The following SLC9A9 variants were observed in gnomAD, a reference collection of about 807,000 sequenced individuals.
The protein encoded by SLC9A9 is sodium/hydrogen exchanger 9.
Under a neutral mutation model 77.8 loss-of-function variants are expected in SLC9A9, and 62 were observed. The observed-to-expected ratio is 0.80, with a 90% CI of 0.65 to 0.98. The LOEUF (loss-of-function observed/expected upper bound fraction) is 0.98, where lower values mean the gene tolerates loss of function less well. Among genes scored for constraint, SLC9A9 ranks in the 50% least tolerant of loss-of-function variants. The probability of loss-of-function intolerance (pLI) is 0.00; values close to 1 mark genes in which losing one functional copy is unlikely to be tolerated. For synonymous variants in SLC9A9, 320 were observed against 283.5 expected, an observed-to-expected ratio of 1.13 and a Z score of -1.29; for missense variants, 775 against 774.9, an observed-to-expected ratio of 1.00 and a Z score of 0.00.
chr3:143,519,249 A>C (rs2036254202), intron 9 of SLC9A9, among the ~76,000 whole-genome samples: 1 of 152,212 alleles, frequency 6.6e-6, no homozygotes, highest in Admixed American at 6.5e-5. Context: ...TAGGTGTTGA[A>C]ATTTTAGGTA....
intron 2 of SLC9A9, among the ~76,000 whole-genome samples, chr3:143,806,142 G>C (rs527382888): frequency 1.6e-5 from 2 of 127,558 alleles, no homozygotes; most frequent in East Asian, 5.0e-4. Flanking sequence ...TTACCACTAA[G>C]AGCTTCTCAC....
chr3:143,339,882 G>A (rs2108462278), intron 14 of SLC9A9, among the ~76,000 whole-genome samples: 1 of 152,244 alleles, frequency 6.6e-6, no homozygotes, highest in East Asian at 1.9e-4. Flanking sequence ...TTCTGTAAAA[G>A]GATGCTACTG....
intron 9 of SLC9A9, among the ~76,000 whole-genome samples, chr3:143,510,369 G>T (rs1280491916): frequency 2.0e-5 from 3 of 152,088 alleles, no homozygotes; most frequent in Non-Finnish European, 4.4e-5. Context: ...TTTATTAAAA[G>T]ATTGGAAAAT....
intron 14 of SLC9A9, among the ~76,000 whole-genome samples, chr3:143,295,420 C>T (rs75557482): frequency 4.2e-4 from 64 of 152,276 alleles, no homozygotes; most frequent in African/African-American, 1.5e-3. Context: ...AAGAACGTGC[C>T]GTTCCAGTAA....
intron 5 of SLC9A9, among the ~76,000 whole-genome samples, chr3:143,661,427 G>A (rs2038976858): frequency 6.6e-6 from 1 of 152,054 alleles, no homozygotes; most frequent in South Asian, 2.1e-4. Context: ...TTTCTCCCTG[G>A]GTTTCCACAC....
chr3:143,674,677 G>GT (rs1319042028), intron 5 of SLC9A9, among the ~76,000 whole-genome samples: 5 of 152,086 alleles, frequency 3.3e-5, no homozygotes, highest in African/African-American at 1.2e-4. Context: ...AATCTCAGAG[G>GT]TTTTCTAACA....
At chr3:143,837,909 C>T (rs540026387) in intron 1 of SLC9A9, among the ~76,000 whole-genome samples, 13 of 152,264 alleles carry the variant, frequency 8.5e-5, no homozygotes, top group African/African-American at 3.1e-4. Flanking sequence ...TCACTGCCAG[C>T]CTGATGTTGA....
chr3:143,393,610 A>C lies in SLC9A9; in HGVS notation c.1470-11496T>G, dbSNP rs1169865387. ...AGAAATAACTAAGATCAGAGCAGAA[A>C]TGAAGGAAATAGAGACATAAAAAAC... On this transcript the variant is annotated intron_variant, in intron 12 of 15. Transcript: ENST00000316549. Among the ~76,000 whole-genome samples the C allele has an allele frequency of 3.3e-5, 5 of 152,122 alleles. No homozygotes were observed. The East Asian group carries it at 5.8e-4, about 18-fold the overall frequency.
At position 143,449,598 on chromosome 3, in the gene SLC9A9, TATATAAAATATA is replaced by T. The variant is rs1327259942; in HGVS notation, c.1469+17427_1469+17438del. 2.2e-3 allele frequency among the ~76,000 whole-genome samples: 84 copies of T among 38,048 alleles called. 11 individuals are homozygous for T. The highest frequency in any genetic ancestry group is 5.7e-3 in the African/African-American group (38 of 6,670). The allele number at this position is 38,048 out of a possible 152,430, so 25.0% of individuals were successfully genotyped here. On this transcript the variant is annotated intron_variant, in intron 12 of 15. Coordinates refer to ENST00000316549, the MANE Select transcript of SLC9A9 (RefSeq NM_173653.4). ...ATTATATAATTATATAAAATATAAT[TATATAAAATATA>T]ATAATTATATAATTATATAAAATAT...
chr3:143,641,008 G>C (rs1191586284), intron 6 of SLC9A9, among the ~76,000 whole-genome samples: 1 of 152,168 alleles, frequency 6.6e-6, no homozygotes, highest in African/African-American at 2.4e-5. Flanking sequence ...CACCCACAGA[G>C]ATAACTTCTC....
At chr3:143,289,362 T>C (rs1938471808) in intron 14 of SLC9A9, among the ~76,000 whole-genome samples, 1 of 152,174 alleles carries the variant, frequency 6.6e-6, no homozygotes, top group African/African-American at 2.4e-5. Context: ...GAACCATTAT[T>C]TTTTTAAATG....
At chr3:143,731,471 A>G (rs1576688131) in intron 4 of SLC9A9, among the ~76,000 whole-genome samples, 1 of 152,220 alleles carries the variant, frequency 6.6e-6, no homozygotes, top group African/African-American at 2.4e-5. Context: ...GTGTCTCTCA[A>G]TTCTCCAGCT....
At chr3:143,377,925 A>G (rs9823368) in intron 13 of SLC9A9, among the ~76,000 whole-genome samples, 2 of 152,094 alleles carry the variant, frequency 1.3e-5, no homozygotes, top group Non-Finnish European at 2.9e-5. Flanking sequence ...TTTTGTGCAC[A>G]CCATAACCCA....
intron 5 of SLC9A9, among the ~76,000 whole-genome samples, chr3:143,678,805 C>T (rs1005066933): frequency 6.6e-6 from 1 of 152,104 alleles, no homozygotes; most frequent in Admixed American, 6.5e-5. Context: ...ATTGAAATTA[C>T]CTTAAATTTT....
At chr3:143,576,363 T>A (rs1314372807) in intron 7 of SLC9A9, among the ~76,000 whole-genome samples, 1 of 152,238 alleles carries the variant, frequency 6.6e-6, no homozygotes, top group Non-Finnish European at 1.5e-5. Context: ...TGTTAGATGA[T>A]GTGATTATTA....
At chr3:143,494,127 T>C (rs771595229) in intron 10 of SLC9A9, among the ~76,000 whole-genome samples, 3 of 152,326 alleles carry the variant, frequency 2.0e-5, no homozygotes, top group South Asian at 2.1e-4. Context: ...TCTTCCCAAG[T>C]GGTACTTTAG....
chr3:143,301,528 G>A (rs569117762), intron 14 of SLC9A9, among the ~76,000 whole-genome samples: 1 of 152,296 alleles, frequency 6.6e-6, no homozygotes, highest in South Asian at 2.1e-4. Flanking sequence ...GCCTTCAGTA[G>A]GCAAGAGTAG....
intron 12 of SLC9A9, among the ~76,000 whole-genome samples, chr3:143,441,393 C>T (rs2034732232): frequency 6.6e-6 from 1 of 152,146 alleles, no homozygotes; most frequent in African/African-American, 2.4e-5. Flanking sequence ...TCACAGAAAA[C>T]CTCAGATAAA....
intron 9 of SLC9A9, among the ~76,000 whole-genome samples, chr3:143,505,314 A>T: frequency 6.6e-6 from 1 of 152,144 alleles, no homozygotes; most frequent in Non-Finnish European, 1.5e-5. Context: ...TTTTCAACCC[A>T]ATTTCTTCTT....
Sources: gnomAD v4.1 joint callset for allele counts (sites outside exome capture counted in the v4.1 genomes callset) on GRCh38, gnomAD v4.1.1 for gene constraint, MANE v1.5 for transcripts, NCBI Gene and HGNC (gene_info 2026-07-23, HGNC 2026-07-21) for gene names.